CIP2A: variants seen among roughly 807,000 people sequenced by gnomAD.
The protein encoded by CIP2A is cellular inhibitor of PP2A.
A neutral mutation model predicts 110.9 loss-of-function variants in CIP2A; 103 were observed. That is an observed-to-expected ratio of 0.93 (90% CI 0.79 to 1.09). The LOEUF (loss-of-function observed/expected upper bound fraction) is 1.09. Ranked by LOEUF, CIP2A falls within the 50% of genes least tolerant of loss-of-function variation. The probability of loss-of-function intolerance (pLI) is 0.00; values close to 1 mark genes in which losing one functional copy is unlikely to be tolerated. For synonymous variants in CIP2A, 381 were observed against 361.6 expected (o/e 1.05, Z -0.61); for missense variants, 1,088 against 1,038.4 (o/e 1.05, Z -0.66).
chr3:108,560,878 C>T (rs1041200647), intron 13 of CIP2A, 37 bp from the exon 14 acceptor site: 7 of 1,407,078 alleles, frequency 5.0e-6, no homozygotes, highest in East Asian at 2.5e-5. Flanking sequence ...AAAAATTATA[C>T]GAAAATAGAA....
At chr3:108,556,258 A>G (rs60683179) in intron 17 of CIP2A, among the ~76,000 whole-genome samples, 55,558 of 152,048 alleles carry the variant, frequency 0.37, 10,593 homozygotes, top group East Asian at 0.53. Context: ...AAAAATTTCT[A>G]TATCTCTGTA....
rs568801827 is a variant in CIP2A at position 108,550,118 on chromosome 3, T to C, written c.*1031A>G. Reference sequence around the variant, plus strand: ...AGTAAAATTAATGACTGTATTGGTATAGCAATAAAATCAATCAAAATATTG... The same window carrying C: ...AGTAAAATTAATGACTGTATTGGTACAGCAATAAAATCAATCAAAATATTG... On this transcript the variant is annotated 3_prime_UTR_variant, in exon 21 of 21. Transcript: ENST00000295746. 1 of 151,934 alleles carries C rather than the reference T, an allele frequency of 6.6e-6. No homozygotes were observed. The highest frequency in any genetic ancestry group is 1.5e-5 in the Non-Finnish European group (1 of 67,880). The allele number at this position is 151,934 out of a possible 1,614,324, so 9.4% of individuals were successfully genotyped here.
In CIP2A at chr3:108,553,824, G is replaced by A. The variant is rs187700159; in HGVS notation, c.2325-94C>T. The A allele has an allele frequency of 1.0e-3, 878 of 873,722 alleles. 10 individuals are homozygous for A. The African/African-American group carries it at 0.014, about 14-fold the overall frequency. The allele number at this position is 873,722 out of a possible 1,614,324, so 54.1% of individuals were successfully genotyped here. A position where few individuals can be genotyped will look rare whatever the true frequency, so the allele number is the denominator to read the frequency against. Reference sequence around the variant, plus strand: ...ACCAAGCACTTTGGGAGGCCAAGGCGGGCAGATCACAAGGTCAGGAGATCG... The same window carrying A: ...ACCAAGCACTTTGGGAGGCCAAGGCAGGCAGATCACAAGGTCAGGAGATCG... On this transcript the variant is annotated intron_variant, in intron 18 of 20. Transcript: ENST00000295746.
In CIP2A at chr3:108,569,512, A is replaced by G. The variant is rs1442831601; in HGVS notation, c.990T>C (p.Thr330=). ...CTAAACATTTAGTATGGCTTCCCAG[A>G]GTGGCGCTGCCAGGTGGAGACTGTT... The part of the protein sequence containing the change: ...MFEQSPPGSA[T]LGSHTKCLEP... The change falls in exon 9 of 21, where the codon ACT becomes ACC. Residue 330 remains threonine, a synonymous_variant. Transcript: ENST00000295746. The G allele has an allele frequency of 6.2e-7, 1 of 1,612,852 alleles. No individual in the cohort carries two copies. Among genetic ancestry groups the G allele is most frequent in the East Asian group, 2.2e-5 (1 of 44,808 alleles).
intron 8 of CIP2A, among the ~76,000 whole-genome samples, chr3:108,569,908 C>G (rs1410315638): frequency 6.6e-6 from 1 of 151,852 alleles, no homozygotes; most frequent in Non-Finnish European, 1.5e-5. Flanking sequence ...TATTTTTAAA[C>G]AGAAACCTGT....
chr3:108,569,636 T>C, intron 8 of CIP2A, 29 bp from the exon 9 acceptor site: 1 of 1,522,946 alleles, frequency 6.6e-7, no homozygotes, highest in Non-Finnish European at 9.1e-7. Context: ...TCATTAAACA[T>C]CAATTTCACA....
chr3:108,582,133 A>G lies in CIP2A; in HGVS notation c.427T>C (p.Leu143=), dbSNP rs766602641. ...ATGTGATCTATCAGGAACGTAATTA[A>G]TTCATCTATATTGGCACCAGAATAG... ...IFYSGANIDE[L]ITFLIDHIQS... The change falls in exon 4 of 21, where the codon TTA becomes CTA. Residue 143 remains leucine (L), a synonymous_variant. Transcript: ENST00000295746. The G allele has an allele frequency of 1.3e-6, 2 of 1,491,840 alleles. No homozygotes were observed. The highest frequency in any genetic ancestry group is 2.3e-5 in the East Asian group (1 of 43,294). The allele number at this position is 1,491,840 out of a possible 1,614,324, so 92.4% of individuals were successfully genotyped here. A position where few individuals can be genotyped will look rare whatever the true frequency, so the allele number is the denominator to read the frequency against.
intron 8 of CIP2A, among the ~76,000 whole-genome samples, chr3:108,575,441 TATATAC>T (rs1938557217): frequency 6.8e-6 from 1 of 147,572 alleles, no homozygotes. Flanking sequence ...TACACATACA[TATATAC>T]ATATACATGT....
intron 17 of CIP2A, among the ~76,000 whole-genome samples, 171 bp downstream of exon 17, chr3:108,557,047 T>C (rs1052687163): frequency 2.0e-5 from 3 of 152,120 alleles, no homozygotes; most frequent in Admixed American, 6.6e-5. Flanking sequence ...ATACTGAGTT[T>C]GAGGAAGCAA....
chr3:108,562,329 A>G (rs946578591), intron 13 of CIP2A, among the ~76,000 whole-genome samples: 10 of 152,176 alleles, frequency 6.6e-5, no homozygotes, highest in African/African-American at 2.4e-4. Context: ...TGAAAGCAAC[A>G]TAGACAGAGT....
At position 108,579,366 on chromosome 3, in the gene CIP2A, C is replaced by T. The variant is rs780811175; in HGVS notation, c.733G>A (p.Gly245Ser). 31 of 1,604,282 alleles carry T rather than the reference C, an allele frequency of 1.9e-5. No homozygotes were observed. Among genetic ancestry groups the T allele is most frequent in the African/African-American group, 4.0e-5 (3 of 74,728 alleles). Residue 245 changes from glycine (G) to serine (S), a missense_variant, in exon 7 of 21, where the codon GGT becomes AGT. By Grantham distance (56) the Gly-to-Ser change is moderately conservative (BLOSUM62 0). Coordinates refer to ENST00000295746, the MANE Select transcript of CIP2A (RefSeq NM_020890.3). ...TACTTTCTAGTTAGAGTGCCATCAC[C>T]GTTTATGAGAATATTAAATATTAGT... ...FQLIFNILINGDGTLTRKYSV... is the reference protein window; with the variant it reads ...FQLIFNILINSDGTLTRKYSV...
chr3:108,557,394 C>T lies in CIP2A; in HGVS notation c.2034G>A (p.Met678Ile). Reference protein sequence around the residue: ...AETEARTLASMLREVERKNEE... With the variant: ...AETEARTLASILREVERKNEE... ...CATTTTTTCTCTCAACTTCTCTCAA[C>T]ATACTAGCAAGTGTCCGTGCCTCAA... is the stretch of plus-strand genomic sequence containing the variant. The change falls in exon 17 of 21, where the codon ATG (methionine) becomes ATA (isoleucine). Residue 678 changes from methionine to isoleucine, a missense_variant. Met to Ile is a conservative substitution (Grantham distance 10). Transcript: ENST00000295746. 2 of 1,599,964 alleles carry T rather than the reference C, an allele frequency of 1.3e-6. No homozygotes were observed. The highest frequency in any genetic ancestry group is 1.7e-6 in the Non-Finnish European group (2 of 1,172,476).
intron 19 of CIP2A, among the ~76,000 whole-genome samples, 160 bp downstream of exon 19, chr3:108,553,488 C>T (rs1485099934): frequency 1.3e-5 from 2 of 151,902 alleles, no homozygotes; most frequent in Non-Finnish European, 2.9e-5. Context: ...TTAAACCGAA[C>T]TGCTTTTGTG....
intron 12 of CIP2A, among the ~76,000 whole-genome samples, chr3:108,564,640 C>A (rs1407443979): frequency 6.6e-6 from 1 of 151,774 alleles, no homozygotes; most frequent in African/African-American, 2.4e-5. Context: ...TAAGGAAGCC[C>A]CCTTTATTAT....
chr3:108,575,421 CATGT>C lies in CIP2A; in HGVS notation c.894+846_894+849del. ...GTTCACATGTGTATGTATACATATACATGTATACATACACATACATATATACATA... is the reference window on the plus strand; with the variant it reads ...GTTCACATGTGTATGTATACATATACATACATACACATACATATATACATA... On this transcript the variant is annotated intron_variant, in intron 8 of 20. Coordinates refer to ENST00000295746, the MANE Select transcript of CIP2A (RefSeq NM_020890.3). 7.4e-5 allele frequency among the ~76,000 whole-genome samples: 7 copies of C among 94,582 alleles called. No individual in the cohort carries two copies. The South Asian group carries it at 2.4e-3, about 32-fold the overall frequency. 62.0% of individuals were successfully genotyped at this position (94,582 alleles called of 152,430 possible).
At chr3:108,561,579 A>G (rs556726557) in intron 13 of CIP2A, among the ~76,000 whole-genome samples, 22 of 152,012 alleles carry the variant, frequency 1.4e-4, no homozygotes, top group Admixed American at 4.6e-4. Flanking sequence ...TGAGTTGGGA[A>G]TATCACTTGA....
intron 8 of CIP2A, among the ~76,000 whole-genome samples, chr3:108,572,626 T>C (rs1370957099): frequency 6.6e-6 from 1 of 152,060 alleles, no homozygotes; most frequent in Admixed American, 6.6e-5. Context: ...ATTTAAAAAC[T>C]TCATGTTCTA....
chr3:108,584,647 G>T (rs539651728), intron 2 of CIP2A, among the ~76,000 whole-genome samples: 4 of 152,282 alleles, frequency 2.6e-5, no homozygotes, highest in African/African-American at 9.6e-5. Context: ...TGTCACTGAA[G>T]AAAGTTTTAT....
intron 8 of CIP2A, among the ~76,000 whole-genome samples, chr3:108,572,754 C>T (rs1023285541): frequency 1.3e-5 from 2 of 152,014 alleles, no homozygotes; most frequent in Non-Finnish European, 2.9e-5. Context: ...CTCACGTCAT[C>T]TGAATAGTGA....
Sources: allele counts gnomAD v4.1 joint callset (sites outside exome capture counted in the v4.1 genomes callset), GRCh38; gene constraint gnomAD v4.1.1; transcripts MANE v1.5; gene names NCBI Gene and HGNC (gene_info 2026-07-23, HGNC 2026-07-21).